Variants in CLSTN2 observed in about 807,000 individuals in gnomAD.
The protein encoded by CLSTN2 is calsyntenin-2.
A neutral mutation model predicts 101.2 loss-of-function variants in CLSTN2; 48 were observed. That is an observed-to-expected ratio of 0.47 (90% CI 0.38 to 0.60). The LOEUF is 0.60. Ranked by LOEUF, CLSTN2 falls within the 20% of genes least tolerant of loss-of-function variation. The pLI, the probability that CLSTN2 is intolerant of heterozygous loss-of-function variation, is 0.00. For synonymous variants in CLSTN2, 481 were observed against 463.6 expected, an observed-to-expected ratio of 1.04 and a Z score of -0.48; for missense variants, 1,160 against 1,238.2, an observed-to-expected ratio of 0.94 and a Z score of 0.95.
chr3:139,997,974 A>G (rs1006582524), intron 1 of CLSTN2, among the ~76,000 whole-genome samples: 9 of 152,214 alleles, frequency 5.9e-5, no homozygotes, highest in African/African-American at 2.2e-4. Flanking sequence ...TATAGGGCAC[A>G]TGTTTAGACT....
chr3:140,141,963 A>G (rs2009707448), intron 1 of CLSTN2, among the ~76,000 whole-genome samples: 1 of 152,180 alleles, frequency 6.6e-6, no homozygotes, highest in Non-Finnish European at 1.5e-5. Context: ...TCCAATTAAT[A>G]AAGAAAACAA....
intron 2 of CLSTN2, among the ~76,000 whole-genome samples, chr3:140,232,978 G>T (rs2086384201): frequency 6.6e-6 from 1 of 152,084 alleles, no homozygotes; most frequent in Admixed American, 6.5e-5. Flanking sequence ...TTTCCATGGA[G>T]AAATCCTTAG....
At chr3:140,175,863 T>A in intron 1 of CLSTN2, 88 bp from the exon 2 acceptor site, 1 of 1,286,662 alleles carries the variant, frequency 7.8e-7, no homozygotes, top group Non-Finnish European at 1.1e-6. Flanking sequence ...AGTCTATGAT[T>A]GGGCAAATAT....
chr3:140,251,978 G>C (rs1297513711), intron 2 of CLSTN2, among the ~76,000 whole-genome samples: 1 of 152,156 alleles, frequency 6.6e-6, no homozygotes, highest in Non-Finnish European at 1.5e-5. Context: ...GCAGTGGGGA[G>C]ACAGGGCCTA....
chr3:140,562,048 G>C lies in CLSTN2; in HGVS notation c.2042-90G>C, dbSNP rs1935925799. The C allele has an allele frequency of 5.1e-6, 6 of 1,172,362 alleles. No individual in the cohort carries two copies. The East Asian group carries it at 1.2e-4, about 23-fold the overall frequency. 72.6% of individuals were successfully genotyped at this position (1,172,362 alleles called of 1,614,324 possible). On this transcript the variant is annotated intron_variant, in intron 12 of 16. Transcript: ENST00000458420. ...TGCTCCTGACCCAGCCTTAACCTGG[G>C]GTGCAATAACAGAGGAGGAAGGTGA...
chr3:140,145,392 C>T (rs942965031), intron 1 of CLSTN2, among the ~76,000 whole-genome samples: 31 of 152,342 alleles, frequency 2.0e-4, no homozygotes, highest in African/African-American at 6.0e-4. Flanking sequence ...ATGAATGACA[C>T]AGGTCAAGCA....
At chr3:140,542,080 T>C (rs962184357) in intron 9 of CLSTN2, among the ~76,000 whole-genome samples, 1 of 152,170 alleles carries the variant, frequency 6.6e-6, no homozygotes, top group Non-Finnish European at 1.5e-5. Flanking sequence ...TTAAGTAAAA[T>C]AGCATGTGAA....
intron 2 of CLSTN2, among the ~76,000 whole-genome samples, chr3:140,357,038 G>C (rs1022321307): frequency 2.6e-5 from 4 of 151,964 alleles, no homozygotes; most frequent in African/African-American, 9.7e-5. Context: ...CAAAGCAAAG[G>C]CACAGAAGAA....
chr3:140,245,244 C>A (rs1007029552), intron 2 of CLSTN2, among the ~76,000 whole-genome samples: 3 of 152,100 alleles, frequency 2.0e-5, no homozygotes, highest in Admixed American at 6.6e-5. Flanking sequence ...CTAAGTAGGT[C>A]TGTGAAAAAG....
At chr3:140,301,395 A>G (rs2087056538) in intron 2 of CLSTN2, among the ~76,000 whole-genome samples, 1 of 152,244 alleles carries the variant, frequency 6.6e-6, no homozygotes, top group East Asian at 1.9e-4. Flanking sequence ...AGGTGAATCC[A>G]GTGAGAAAAG....
intron 2 of CLSTN2, among the ~76,000 whole-genome samples, chr3:140,234,318 C>G (rs554376293): frequency 6.6e-6 from 1 of 152,162 alleles, no homozygotes; most frequent in South Asian, 2.1e-4. Flanking sequence ...GCTGTCTAGA[C>G]GACACTCTGA....
chr3:140,333,791 A>G (rs2107931139), intron 2 of CLSTN2, among the ~76,000 whole-genome samples: 1 of 152,246 alleles, frequency 6.6e-6, no homozygotes, highest in African/African-American at 2.4e-5. Context: ...TTATTGTCAT[A>G]AAATAGGTTG....
intron 2 of CLSTN2, among the ~76,000 whole-genome samples, chr3:140,223,679 C>T (rs985474105): frequency 6.6e-6 from 1 of 152,176 alleles, no homozygotes; most frequent in Non-Finnish European, 1.5e-5. Flanking sequence ...TTTCCTGTGC[C>T]TCTGTCTACT....
intron 1 of CLSTN2, among the ~76,000 whole-genome samples, chr3:140,138,156 C>T (rs79024439): frequency 0.037 from 5,630 of 152,226 alleles, 136 homozygotes; most frequent in Middle Eastern, 0.1. Flanking sequence ...AAAAAGCTAA[C>T]AGTACAATAG....
chr3:140,431,176 T>C (rs945211340), intron 5 of CLSTN2, among the ~76,000 whole-genome samples: 2 of 152,226 alleles, frequency 1.3e-5, no homozygotes, highest in Non-Finnish European at 2.9e-5. Context: ...ACAACTTTCA[T>C]TTCCTTGATT....
chr3:140,405,069 T>C (rs2088287119), intron 4 of CLSTN2, among the ~76,000 whole-genome samples: 3 of 152,190 alleles, frequency 2.0e-5, no homozygotes, highest in South Asian at 4.1e-4. Context: ...GGTCAAATTT[T>C]CCAGTTGTCA....
chr3:140,028,982 G>A (rs971758745), intron 1 of CLSTN2, among the ~76,000 whole-genome samples: 5 of 152,132 alleles, frequency 3.3e-5, no homozygotes, highest in African/African-American at 1.2e-4. Context: ...AAAGTGAATG[G>A]TGAAGGTTTC....
intron 1 of CLSTN2, among the ~76,000 whole-genome samples, chr3:139,962,551 G>A (rs1935530917): frequency 6.6e-6 from 1 of 152,072 alleles, no homozygotes; most frequent in Admixed American, 6.6e-5. Flanking sequence ...AGAAAGATTA[G>A]CAGATTTCCT....
At chr3:140,365,982 G>C (rs1189031365) in intron 2 of CLSTN2, among the ~76,000 whole-genome samples, 1 of 152,126 alleles carries the variant, frequency 6.6e-6, no homozygotes, top group Admixed American at 6.5e-5. Context: ...CTTAGAAAGG[G>C]GGCTGGCACT....
Sources: allele counts gnomAD v4.1 joint callset (sites outside exome capture counted in the v4.1 genomes callset), GRCh38; gene constraint gnomAD v4.1.1; transcripts MANE v1.5; gene names NCBI Gene and HGNC (gene_info 2026-07-23, HGNC 2026-07-21).